Variants in FMO5 observed in about 807,000 individuals in gnomAD.
FMO5 encodes the protein flavin-containing monooxygenase 5.
Under a neutral mutation model 43.6 loss-of-function variants are expected in FMO5, and 51 were observed. That is an observed-to-expected ratio of 1.17 (90% CI 0.93 to 1.48). The LOEUF (loss-of-function observed/expected upper bound fraction) is 1.48, where lower values mean the gene tolerates loss of function less well. Ranked by LOEUF, FMO5 falls within the 40% of genes most tolerant of loss-of-function variation. FMO5 has a pLI of 0.00. For synonymous variants in FMO5, 187 were observed against 216.5 expected (o/e 0.86, Z 1.20); for missense variants, 644 against 643.0 (o/e 1.00, Z -0.02).
At chr1:147,205,836 C>T (rs1485461471) in intron 6 of FMO5, among the ~76,000 whole-genome samples, 1 of 152,014 alleles carries the variant, frequency 6.6e-6, no homozygotes, top group Non-Finnish European at 1.5e-5. Flanking sequence ...TAGGCAATAC[C>T]ATTCAGGACA....
chr1:147,205,782 C>T (rs1025487461), intron 6 of FMO5, among the ~76,000 whole-genome samples: 13 of 152,116 alleles, frequency 8.5e-5, no homozygotes, highest in Non-Finnish European at 1.6e-4. Context: ...GGATTAAAGA[C>T]TTAAATGTTA....
chr1:147,201,548 G>T lies in FMO5; in HGVS notation c.831-44C>A, dbSNP rs782587950. On this transcript the variant is annotated intron_variant, in intron 6 of 8. Transcript: ENST00000254090. ...ATCAAGTGGAGAAATGAGAGAAAGA[G>T]AAATCAGTACCACATAAGTAAAATT... The T allele has an allele frequency of 2.0e-6, 3 of 1,490,906 alleles. No individual in the cohort carries two copies. In the Admixed American group the frequency reaches 5.3e-5, roughly 26 times the overall value. 92.4% of individuals were successfully genotyped at this position (1,490,906 alleles called of 1,614,324 possible).
intron 8 of FMO5, among the ~76,000 whole-genome samples, chr1:147,187,816 T>C (rs1553917541): frequency 6.6e-6 from 1 of 152,198 alleles, no homozygotes; most frequent in Non-Finnish European, 1.5e-5. Context: ...TTTAAAGATT[T>C]AAAAGGGCTT....
chr1:147,210,557 T>C (rs1366150187), intron 5 of FMO5: 15 of 152,204 alleles, frequency 9.9e-5, no homozygotes, highest in African/African-American at 1.4e-4. Flanking sequence ...ACAGTCACAG[T>C]TGAAAGAGCA....
chr1:147,193,109 G>T (rs1234263994), intron 7 of FMO5, among the ~76,000 whole-genome samples: 2 of 152,094 alleles, frequency 1.3e-5, no homozygotes, highest in East Asian at 3.9e-4. Flanking sequence ...TGTACCTCTG[G>T]TAGAATTCGG....
At position 147,191,814 on chromosome 1, in the gene FMO5, T is replaced by C. The variant is rs587651175; in HGVS notation, c.1184-1565A>G. Reference sequence around the variant, plus strand: ...TTTGTCAGGTTTGTCAAAGATCAGATGGTTGTAGACATGCGGCATTATTTC... The same window carrying C: ...TTTGTCAGGTTTGTCAAAGATCAGACGGTTGTAGACATGCGGCATTATTTC... On this transcript the variant is annotated intron_variant, in intron 7 of 8. Coordinates refer to ENST00000254090, the MANE Select transcript of FMO5 (RefSeq NM_001461.4). Among the ~76,000 whole-genome samples the C allele has an allele frequency of 1.1e-4, 16 of 152,256 alleles. No individual in the cohort carries two copies. The East Asian group carries it at 3.1e-3, about 29-fold the overall frequency.
chr1:147,210,567 A>G (rs1660919714), intron 5 of FMO5: 1 of 152,186 alleles, frequency 6.6e-6, no homozygotes, highest in African/African-American at 2.4e-5. Flanking sequence ...TTGAAAGAGC[A>G]TATATGGTCT....
At position 147,201,504 on chromosome 1, in the gene FMO5, T is replaced by C. The variant is rs782794642; in HGVS notation, c.831A>G (p.Arg277=). ...HEMFGLKPKH[R]ALSQHPTLND... is the part of the protein sequence containing the mutation. ...TTAAGGTTGGATGCTGACTCAGAGC[T>C]CTGTGAGTCGTGACAAAGATCAAGT... The change falls in exon 7 of 9, where the codon AGA becomes AGG. Residue 277 remains arginine (R), a splice_region_variant and synonymous_variant. Transcript: ENST00000254090. 13 of 1,602,218 alleles carry C rather than the reference T, an allele frequency of 8.1e-6. No individual in the cohort carries two copies. Among genetic ancestry groups the C allele is most frequent in the Non-Finnish European group, 9.4e-6 (11 of 1,170,522 alleles).
intron 8 of FMO5, among the ~76,000 whole-genome samples, chr1:147,188,689 G>T (rs1656093226): frequency 6.6e-6 from 1 of 151,024 alleles, no homozygotes; most frequent in African/African-American, 2.4e-5. Context: ...TAAAAAACCT[G>T]CACGTTGTAC....
chr1:147,187,240 AC>A lies in FMO5; in HGVS notation c.1261del (p.Val421TrpfsTer13). ...KAQEEIDKRY[V>X]ESQRHTIQGD... ...CTGAATGGTATGGCGTTGGCTCTCC[AC>A]ATACCTAAAGTAGAAAAGACAGAAA... is the stretch of plus-strand genomic sequence containing the variant. On this transcript the variant is annotated frameshift_variant, in exon 9 of 9. Coordinates refer to ENST00000254090, the MANE Select transcript of FMO5 (RefSeq NM_001461.4). LOFTEE classifies it low-confidence loss of function (END_TRUNC). 3 of 1,593,754 alleles carry A rather than the reference AC, an allele frequency of 1.9e-6. No individual in the cohort carries two copies. The highest frequency in any genetic ancestry group is 2.6e-6 in the Non-Finnish European group (3 of 1,170,876).
chr1:147,201,003 TTC>T (rs1658868799), intron 7 of FMO5, 147 bp downstream of exon 7: 1 of 649,824 alleles, frequency 1.5e-6, no homozygotes, highest in Non-Finnish European at 2.6e-6. Context: ...CTACTTTAGA[TTC>T]ACTCAAAAAT....
chr1:147,184,676 C>T, downstream of FMO5: 1 of 1,448,752 alleles, frequency 6.9e-7, no homozygotes, highest in Non-Finnish European at 9.1e-7. This position sits in a 1 kb window ranked among gnomAD's most constrained non-coding sequence, Gnocchi z 4.4. Flanking sequence ...GGTAAAGTGG[C>T]CTTCTCATCA....
chr1:147,197,595 G>A (rs1221119229), intron 7 of FMO5, among the ~76,000 whole-genome samples: 1 of 151,968 alleles, frequency 6.6e-6, no homozygotes, highest in Non-Finnish European at 1.5e-5. Flanking sequence ...GGTTTTATAC[G>A]GGGCTTTCCC....
At position 147,222,594 on chromosome 1, in the gene FMO5, T is replaced by C. The variant is rs17355996; in HGVS notation, c.135+2301A>G. ...TCTGGGGAGCTTTAAAAAATGGAGA[T>C]AGTAGAATACATGCTTGGCTCTAGA... On this transcript the variant is annotated intron_variant, in intron 2 of 8. Coordinates refer to ENST00000254090, the MANE Select transcript of FMO5 (RefSeq NM_001461.4). Among the ~76,000 whole-genome samples the C allele has an allele frequency of 2.9e-3, 434 of 152,234 alleles. 1 individual carries two copies. Among genetic ancestry groups the C allele is most frequent in the Non-Finnish European group, 4.8e-3 (325 of 67,998 alleles).
At chr1:147,217,729 T>C (rs1383054924) in intron 2 of FMO5, among the ~76,000 whole-genome samples, 1 of 152,222 alleles carries the variant, frequency 6.6e-6, no homozygotes, top group Non-Finnish European at 1.5e-5. Context: ...ACCAAAGTGT[T>C]CTCTCTAAGG....
At chr1:147,191,876 C>T (rs9725446) in intron 7 of FMO5, among the ~76,000 whole-genome samples, 2 of 151,872 alleles carry the variant, frequency 1.3e-5, no homozygotes, top group African/African-American at 2.4e-5. Flanking sequence ...CTATATCTCC[C>T]TTTTGGTACC....
rs782217619 is a variant in FMO5, at chr1:147,187,027, T to C, written c.1475A>G (p.Asp492Gly). 2.5e-6 allele frequency: 4 copies of C among 1,614,024 alleles called. No homozygotes were observed. In the South Asian group the frequency reaches 3.3e-5, roughly 13 times the overall value. ...CATCAGAGGCTTCCTGATGCGATCATCTGTGGTGAGGATAGCTTTTCGAGC... is the reference window on the plus strand; with the variant it reads ...CATCAGAGGCTTCCTGATGCGATCACCTGTGGTGAGGATAGCTTTTCGAGC... ...DGARKAILTT[D>G]DRIRKPLMTR... The change falls in exon 9 of 9, where the codon GAT becomes GGT. Residue 492 changes from aspartate to glycine, a missense_variant. Asp to Gly is a moderately conservative substitution (Grantham distance 94, BLOSUM62 -1). Transcript: ENST00000254090.
At chr1:147,207,942 A>G (rs1332120557) in intron 6 of FMO5, among the ~76,000 whole-genome samples, 1 of 152,162 alleles carries the variant, frequency 6.6e-6, no homozygotes, top group South Asian at 2.1e-4. Context: ...ATAAGTCCCT[A>G]TGAAATGTTT....
chr1:147,211,262 T>C lies in FMO5; in HGVS notation c.630+1131A>G, dbSNP rs892560115. ...AACTGCCCATTTGACAAGCCAATGA[T>C]ATTAAAGATGGCTCTCGCCATGGGT... On this transcript the variant is annotated intron_variant, in intron 5 of 8. Transcript: ENST00000254090. The C allele has an allele frequency of 2.6e-5, 4 of 152,240 alleles. No homozygotes were observed. In the South Asian group the frequency reaches 8.3e-4, roughly 31 times the overall value. 9.4% of individuals were successfully genotyped at this position (152,240 alleles called of 1,614,324 possible). A position where few individuals can be genotyped will look rare whatever the true frequency, so the allele number is the denominator to read the frequency against.
Sources: allele counts gnomAD v4.1 joint callset (sites outside exome capture counted in the v4.1 genomes callset), GRCh38; gene constraint gnomAD v4.1.1; non-coding constraint Gnocchi (gnomAD v3.1); transcripts MANE v1.5; gene names NCBI Gene and HGNC (gene_info 2026-07-23, HGNC 2026-07-21).